Variants in PLSCR2 observed in about 807,000 individuals in gnomAD.
PLSCR2 encodes phospholipid scramblase 2.
In PLSCR2, 18 loss-of-function variants were observed where a neutral mutation model predicts 25.3. That is an observed-to-expected ratio of 0.71 (90% CI 0.49 to 1.06). The LOEUF (loss-of-function observed/expected upper bound fraction) is 1.06, where lower values mean the gene tolerates loss of function less well. Ranked by LOEUF, PLSCR2 falls within the 50% of genes least tolerant of loss-of-function variation. The pLI, the probability that PLSCR2 is intolerant of heterozygous loss-of-function variation, is 0.00. For missense variants in PLSCR2, 243 were observed against 269.5 expected (o/e 0.90, Z 0.69); for synonymous variants, 88 against 87.3 (o/e 1.01, Z -0.04).
intron 2 of PLSCR2, among the ~76,000 whole-genome samples, chr3:146,411,543 G>C (rs569025287): frequency 7.2e-5 from 11 of 152,222 alleles, no homozygotes; most frequent in Non-Finnish European, 1.5e-4. Flanking sequence ...CGTCCTTCCG[G>C]GGGAGCCTGG....
chr3:146,470,422 G>C (rs1188303040), intron 1 of PLSCR2, among the ~76,000 whole-genome samples: 1 of 152,052 alleles, frequency 6.6e-6, no homozygotes, highest in African/African-American at 2.4e-5. Flanking sequence ...GTGTGCCCCT[G>C]TAATCCCATC....
intron 6 of PLSCR2, among the ~76,000 whole-genome samples, chr3:146,445,816 C>T (rs1463482965): frequency 6.6e-6 from 1 of 152,090 alleles, no homozygotes; most frequent in African/African-American, 2.4e-5. Context: ...CTGGATCTTG[C>T]AGGCAAGCTT....
intron 3 of PLSCR2, among the ~76,000 whole-genome samples, chr3:146,456,928 T>C (rs2041253196): frequency 6.6e-6 from 1 of 152,076 alleles, no homozygotes; most frequent in African/African-American, 2.4e-5. Flanking sequence ...AATATAAATA[T>C]AATGTTGTAT....
intron 1 of PLSCR2, among the ~76,000 whole-genome samples, chr3:146,487,453 G>A (rs2043386893): frequency 6.6e-6 from 1 of 152,092 alleles, no homozygotes. Context: ...AAGCTGATAA[G>A]CAAATTCAGC....
intron 1 of PLSCR2, chr3:146,469,538 T>C (rs1181471679): frequency 3.0e-6 from 3 of 985,158 alleles, no homozygotes; most frequent in East Asian, 1.1e-4. Flanking sequence ...CGAGCCGAGG[T>C]CCTAGCGTGG....
intron 1 of PLSCR2, 29 bp downstream of exon 1, chr3:146,469,466 G>T (rs1045933177): frequency 2.9e-5 from 27 of 944,598 alleles, no homozygotes; most frequent in Non-Finnish European, 3.4e-5. Flanking sequence ...AGTCCCATAG[G>T]GAGGCGACTG....
At chr3:146,426,457 C>G (rs1247434821) in intron 2 of PLSCR2, among the ~76,000 whole-genome samples, 3 of 152,008 alleles carry the variant, frequency 2.0e-5, no homozygotes, top group African/African-American at 7.3e-5. Context: ...TTCACTTGCC[C>G]AAATTACTGG....
At chr3:146,444,815 T>C (rs1319805521) in intron 6 of PLSCR2, among the ~76,000 whole-genome samples, 1 of 152,000 alleles carries the variant, frequency 6.6e-6, no homozygotes, top group African/African-American at 2.4e-5. Flanking sequence ...TTTCTGGTTA[T>C]TTTTGTGATC....
At chr3:146,423,720 G>A (rs1000665930) in intron 2 of PLSCR2, among the ~76,000 whole-genome samples, 2 of 152,036 alleles carry the variant, frequency 1.3e-5, no homozygotes, top group African/African-American at 4.8e-5. Flanking sequence ...TTAAATGTGG[G>A]AGAGGAAAGC....
downstream of PLSCR2, among the ~76,000 whole-genome samples, chr3:146,428,715 C>T (rs1056521326): frequency 1.3e-5 from 2 of 152,204 alleles, no homozygotes; most frequent in Non-Finnish European, 2.9e-5. Context: ...AAAAAACAGT[C>T]TCTAGCCCAG....
At chr3:146,461,379 G>A (rs1207450881), upstream of PLSCR2, among the ~76,000 whole-genome samples, 5 of 152,078 alleles carry the variant, frequency 3.3e-5, no homozygotes, top group South Asian at 4.2e-4. Flanking sequence ...TTCCTCCTAC[G>A]ATTAATGAAT....
At chr3:146,405,031 A>G (rs1227963336) in intron 2 of PLSCR2, among the ~76,000 whole-genome samples, 1 of 152,100 alleles carries the variant, frequency 6.6e-6, no homozygotes, top group Non-Finnish European at 1.5e-5. Flanking sequence ...AGTTAGAGAA[A>G]ATGCCACACT....
At chr3:146,463,326 G>A (rs1194276183), upstream of PLSCR2, among the ~76,000 whole-genome samples, 3 of 152,010 alleles carry the variant, frequency 2.0e-5, no homozygotes, top group African/African-American at 7.2e-5. Flanking sequence ...ACAGGCACCC[G>A]CCACCACGCC....
intron 6 of PLSCR2, among the ~76,000 whole-genome samples, chr3:146,442,301 C>CTGAA (rs2040292272): frequency 6.6e-6 from 1 of 151,904 alleles, no homozygotes; most frequent in Non-Finnish European, 1.5e-5. Context: ...AACTGTAAGA[C>CTGAA]AAACTGAAAA....
At chr3:146,489,334 T>A (rs923815696) in intron 1 of PLSCR2, among the ~76,000 whole-genome samples, 1 of 151,972 alleles carries the variant, frequency 6.6e-6, no homozygotes, top group Middle Eastern at 3.2e-3. Context: ...AAATAAAATA[T>A]ATATTAAAAA....
chr3:146,438,161 T>C (rs2040000987), downstream of PLSCR2, among the ~76,000 whole-genome samples: 3 of 152,340 alleles, frequency 2.0e-5, no homozygotes, highest in South Asian at 6.2e-4. Context: ...ATTTCTGTTC[T>C]TTTACATTTG....
chr3:146,399,570 T>C (rs1001553050), intron 2 of PLSCR2, among the ~76,000 whole-genome samples: 1 of 151,770 alleles, frequency 6.6e-6, no homozygotes, highest in African/African-American at 2.4e-5. Context: ...TAAAAAGGAA[T>C]GTAGGAGGCT....
intron 8 of PLSCR2, among the ~76,000 whole-genome samples, chr3:146,436,239 T>C (rs1000927168): frequency 6.6e-6 from 1 of 152,312 alleles, no homozygotes; most frequent in African/African-American, 2.4e-5. Flanking sequence ...TTGCTTAGGA[T>C]TGTCTTGGCA....
chr3:146,409,886 A>G (rs898950625), intron 2 of PLSCR2, among the ~76,000 whole-genome samples: 2 of 152,172 alleles, frequency 1.3e-5, no homozygotes, highest in Non-Finnish European at 2.9e-5. Flanking sequence ...AGAATTAACC[A>G]GAAAGAACAG....
Sources: gnomAD v4.1 joint callset for allele counts (sites outside exome capture counted in the v4.1 genomes callset) on GRCh38, gnomAD v4.1.1 for gene constraint, MANE v1.5 for transcripts, NCBI Gene and HGNC (gene_info 2026-07-23, HGNC 2026-07-21) for gene names.